The following MS4A4A variants were observed in gnomAD, a reference collection of about 807,000 sequenced individuals.
The protein encoded by MS4A4A is membrane-spanning 4-domains subfamily A member 4A.
MS4A4A carries 26 observed loss-of-function variants against 28.0 expected under a neutral mutation model. That is an observed-to-expected ratio of 0.93 (90% CI 0.68 to 1.29). The LOEUF (loss-of-function observed/expected upper bound fraction) is 1.29. Among genes scored for constraint, MS4A4A ranks in the 50% most tolerant of loss-of-function variants. The pLI is 0.00. For missense variants in MS4A4A, 290 were observed against 293.1 expected (o/e 0.99, Z 0.08); for synonymous variants, 86 against 100.8 (o/e 0.85, Z 0.88).
intron 3 of MS4A4A, among the ~76,000 whole-genome samples, chr11:60,299,448 C>CTTTTTTTTT (rs5792179): frequency 1.2e-3 from 133 of 112,584 alleles, no homozygotes; most frequent in Non-Finnish European, 1.5e-3. Context: ...AATTACAATT[C>CTTTTTTTTT]TTTTTTTTTT....
intron 2 of MS4A4A, among the ~76,000 whole-genome samples, chr11:60,296,329 T>C (rs1311022518): frequency 1.3e-5 from 2 of 152,046 alleles, no homozygotes; most frequent in Non-Finnish European, 2.9e-5. Context: ...TTCTTTCATT[T>C]ATGTTAGTAA....
intron 4 of MS4A4A, among the ~76,000 whole-genome samples, chr11:60,301,537 A>G (rs546490756): frequency 6.6e-6 from 1 of 152,376 alleles, no homozygotes; most frequent in Admixed American, 6.5e-5. Flanking sequence ...GATGCCTTTC[A>G]TAAAGCCAAT....
intron 1 of MS4A4A, among the ~76,000 whole-genome samples, chr11:60,287,382 G>A (rs1466853523): frequency 6.6e-6 from 1 of 152,132 alleles, no homozygotes; most frequent in Non-Finnish European, 1.5e-5. Flanking sequence ...CTTTTTTCAG[G>A]AGTCCACTCC....
intron 1 of MS4A4A, chr11:60,282,862 T>C (rs1475343440): frequency 2.9e-6 from 2 of 692,108 alleles, no homozygotes; most frequent in African/African-American, 1.9e-5. Flanking sequence ...GGTGACTCAA[T>C]TGTTTTTGTA....
chr11:60,295,790 A>G (rs2084900407), intron 2 of MS4A4A, among the ~76,000 whole-genome samples: 1 of 152,084 alleles, frequency 6.6e-6, no homozygotes, highest in South Asian at 2.1e-4. Context: ...TGAATACATT[A>G]ATCGGTTTTT....
intron 3 of MS4A4A, among the ~76,000 whole-genome samples, chr11:60,300,630 A>AAG (rs2084945583): frequency 6.7e-6 from 1 of 150,210 alleles, no homozygotes; most frequent in Non-Finnish European, 1.5e-5. Context: ...AAAAAAAAAA[A>AAG]AAAAAAAAAA....
intron 2 of MS4A4A, among the ~76,000 whole-genome samples, chr11:60,294,895 T>A (rs10736702): frequency 0.12 from 1,768 of 14,402 alleles, 42 homozygotes; most frequent in Middle Eastern, 0.2. Context: ...AACTACTACT[T>A]CTTCTTCTTC....
At chr11:60,282,171 T>C (rs1016757677) in intron 1 of MS4A4A, among the ~76,000 whole-genome samples, 6 of 152,192 alleles carry the variant, frequency 3.9e-5, no homozygotes, top group Non-Finnish European at 8.8e-5. Flanking sequence ...AAGCTTTATT[T>C]TGATATAATT....
intron 5 of MS4A4A, chr11:60,305,687 G>A (rs2084993661): frequency 6.4e-6 from 1 of 157,386 alleles, no homozygotes; most frequent in Non-Finnish European, 1.4e-5. Context: ...CCCCCAGGGA[G>A]GTCTGCATTC....
chr11:60,282,608 G>T (rs1440668864), intron 1 of MS4A4A: 1 of 1,284,652 alleles, frequency 7.8e-7, no homozygotes, highest in African/African-American at 1.5e-5. Context: ...TCACAAGAGG[G>T]GTGGAACATT....
At chr11:60,297,363 T>A in intron 3 of MS4A4A, 38 bp downstream of exon 3, 3 of 1,607,162 alleles carry the variant, frequency 1.9e-6, no homozygotes, top group Non-Finnish European at 2.6e-6. Context: ...GAAGATAACA[T>A]AAAGCAGTTG....
chr11:60,283,086 C>A (rs1186869530), intron 1 of MS4A4A, among the ~76,000 whole-genome samples: 5 of 152,130 alleles, frequency 3.3e-5, no homozygotes, highest in Non-Finnish European at 2.9e-5. Flanking sequence ...TGGAAGGAAC[C>A]AATGACAAAC....
chr11:60,291,934 C>T (rs2084860684), intron 1 of MS4A4A, among the ~76,000 whole-genome samples: 1 of 152,164 alleles, frequency 6.6e-6, no homozygotes, highest in Non-Finnish European at 1.5e-5. Flanking sequence ...AAAGAAATTT[C>T]TCTAATTTTA....
intron 2 of MS4A4A, chr11:60,296,951 G>T: frequency 2.3e-6 from 1 of 431,196 alleles, no homozygotes. Context: ...AAGCACCTCT[G>T]GGCTGGTTCT....
rs758567453 is a variant in MS4A4A, at chr11:60,306,057, C to T, written c.547-43C>T. 6 of 1,476,266 alleles carry T rather than the reference C, an allele frequency of 4.1e-6. No homozygotes were observed. In the South Asian group the frequency reaches 6.9e-5, roughly 17 times the overall value. 91.4% of individuals were successfully genotyped at this position (1,476,266 alleles called of 1,614,324 possible). Reference sequence around the variant, plus strand: ...GTTACTGGGAAATGTTTTCACTTGTCATCTCCATTTCTCACATTCCTTTGT... The same window carrying T: ...GTTACTGGGAAATGTTTTCACTTGTTATCTCCATTTCTCACATTCCTTTGT... On this transcript the variant is annotated intron_variant, in intron 5 of 6. Coordinates refer to ENST00000337908, the MANE Select transcript of MS4A4A (RefSeq NM_148975.3).
At chr11:60,286,093 A>G (rs113053533) in intron 1 of MS4A4A, among the ~76,000 whole-genome samples, 5,966 of 152,224 alleles carry the variant, frequency 0.039, 173 homozygotes, top group Middle Eastern at 0.071. Context: ...GAATTCAGTG[A>G]TATTTCTCCT....
intron 2 of MS4A4A, among the ~76,000 whole-genome samples, chr11:60,296,265 C>T (rs2084904628): frequency 6.6e-6 from 1 of 151,972 alleles, no homozygotes. Context: ...TAGAATTGTT[C>T]ATAACATTAT....
chr11:60,298,635 A>G (rs770160892), intron 3 of MS4A4A, among the ~76,000 whole-genome samples: 14 of 152,152 alleles, frequency 9.2e-5, no homozygotes, highest in Non-Finnish European at 1.6e-4. Context: ...GGGTCAATGT[A>G]TTTTCAGAAT....
intron 3 of MS4A4A, among the ~76,000 whole-genome samples, chr11:60,299,666 G>A (rs1385483583): frequency 6.6e-6 from 1 of 151,674 alleles, no homozygotes; most frequent in Non-Finnish European, 1.5e-5. Context: ...GTACAGACGG[G>A]GTTTCACTGT....
Sources: gnomAD v4.1 joint callset for allele counts (sites outside exome capture counted in the v4.1 genomes callset) on GRCh38, gnomAD v4.1.1 for gene constraint, MANE v1.5 for transcripts, NCBI Gene and HGNC (gene_info 2026-07-23, HGNC 2026-07-21) for gene names.